Variants in FAM168A observed in about 807,000 individuals in gnomAD.
FAM168A encodes protein FAM168A.
Under a neutral mutation model 28.5 loss-of-function variants are expected in FAM168A, and 3 were observed. The observed-to-expected ratio is 0.11, with a 90% CI of 0.05 to 0.27. The LOEUF (loss-of-function observed/expected upper bound fraction) is 0.27. FAM168A is among the 10% of genes least tolerant of loss of function. The pLI is 1.00. For missense variants in FAM168A, 222 were observed against 311.5 expected (o/e 0.71, Z 2.16); for synonymous variants, 122 against 124.2 (o/e 0.98, Z 0.12).
At chr11:73,465,268 G>A (rs906901550) in intron 2 of FAM168A, among the ~76,000 whole-genome samples, 1 of 149,238 alleles carries the variant, frequency 6.7e-6, no homozygotes, top group Non-Finnish European at 1.5e-5. Context: ...CCTGGGTGAT[G>A]CTTGGACACT....
At chr11:73,431,672 G>C (rs1381908221) in intron 2 of FAM168A, among the ~76,000 whole-genome samples, 1 of 152,154 alleles carries the variant, frequency 6.6e-6, no homozygotes, top group Admixed American at 6.5e-5. Context: ...CGGAAGAAGT[G>C]CCCACAATCA....
intron 1 of FAM168A, among the ~76,000 whole-genome samples, chr11:73,534,259 T>A (rs1227229347): frequency 6.6e-5 from 10 of 152,172 alleles, no homozygotes; most frequent in African/African-American, 2.4e-4. Flanking sequence ...GAGCAGAAAC[T>A]GACTTATTAG....
In FAM168A at chr11:73,508,213, A is replaced by T. The variant is rs138241966; in HGVS notation, c.-18-39721T>A. On this transcript the variant is annotated intron_variant, in intron 1 of 7. Transcript: ENST00000356467. ...AGCATCACCTCTAGATTGTTTATTA[A>T]AATATTTTAAATAAGTGGGGGAAAG... 5.9e-3 allele frequency among the ~76,000 whole-genome samples: 891 copies of T among 152,286 alleles called. 8 individuals are homozygous for T. Among genetic ancestry groups the T allele is most frequent in the Middle Eastern group, 0.027 (8 of 294 alleles).
rs182580274 is a variant in FAM168A at position 73,486,145 on chromosome 11, G to A, written c.-18-17653C>T. On this transcript the variant is annotated intron_variant, in intron 1 of 7. Coordinates refer to ENST00000356467, the MANE Select transcript of FAM168A (RefSeq NM_015159.3). ...TGACTTAGTTTAGACAAGCAGTCCT[G>A]TAAGCACTGAATACTCACAACACTG... Among the ~76,000 whole-genome samples the A allele has an allele frequency of 9.2e-4, 140 of 152,288 alleles. 1 individual carries two copies. The highest frequency in any genetic ancestry group is 3.3e-3 in the African/African-American group (136 of 41,558).
chr11:73,430,434 G>A, intron 3 of FAM168A: 1 of 419,106 alleles, frequency 2.4e-6, no homozygotes, highest in Non-Finnish European at 4.4e-6. Context: ...TGAGGAGGAT[G>A]CAGGTCTCAG....
intron 3 of FAM168A, among the ~76,000 whole-genome samples, chr11:73,423,985 T>C (rs542639838): frequency 6.2e-4 from 94 of 152,344 alleles, no homozygotes; most frequent in African/African-American, 2.2e-3. Flanking sequence ...TCCAGGTTCA[T>C]ATATCCTGAG....
intron 1 of FAM168A, among the ~76,000 whole-genome samples, chr11:73,496,336 A>G (rs1854871582): frequency 6.6e-6 from 1 of 152,230 alleles, no homozygotes; most frequent in Admixed American, 6.5e-5. Context: ...GTTGTTGTTC[A>G]ACGGATATAT....
intron 2 of FAM168A, 36 bp downstream of exon 2, chr11:73,468,369 A>G (rs765474392): frequency 3.8e-6 from 6 of 1,597,990 alleles, no homozygotes; most frequent in Non-Finnish European, 5.1e-6. Context: ...CTTAACCACC[A>G]TTTCTCAAAA....
chr11:73,473,187 T>G (rs564980478), intron 1 of FAM168A, among the ~76,000 whole-genome samples: 4 of 152,236 alleles, frequency 2.6e-5, no homozygotes, highest in Admixed American at 2.6e-4. Context: ...ATAAGTAAAC[T>G]TAAGTCCAAA....
intron 2 of FAM168A, among the ~76,000 whole-genome samples, chr11:73,447,792 T>C (rs540269438): frequency 5.3e-5 from 8 of 151,974 alleles, no homozygotes; most frequent in South Asian, 4.1e-4. Context: ...CTATCCAAGA[T>C]AGACCCATCA....
At chr11:73,415,368 G>A (rs913957754) in intron 4 of FAM168A, among the ~76,000 whole-genome samples, 1 of 152,240 alleles carries the variant, frequency 6.6e-6, no homozygotes. Context: ...GGGGATCTAA[G>A]ACTCAGTGCT....
intron 1 of FAM168A, among the ~76,000 whole-genome samples, chr11:73,498,686 C>T (rs1473643558): frequency 6.6e-6 from 1 of 152,158 alleles, no homozygotes; most frequent in Non-Finnish European, 1.5e-5. Context: ...TGCTGGAGCC[C>T]GGGAGGCTGA....
At chr11:73,557,309 T>C (rs766133372) in intron 1 of FAM168A, among the ~76,000 whole-genome samples, 6 of 152,012 alleles carry the variant, frequency 3.9e-5, no homozygotes, top group Non-Finnish European at 8.8e-5. Context: ...GAGACAAAGT[T>C]GAATGGTGGT....
At chr11:73,548,649 T>G (rs77619313) in intron 1 of FAM168A, among the ~76,000 whole-genome samples, 12,479 of 152,194 alleles carry the variant, frequency 0.082, 1,552 homozygotes, top group African/African-American at 0.27. Flanking sequence ...TTTGATTTTT[T>G]TGTGTGTGTG....
Position 73,515,760 on chromosome 11 carries a change from C to T in FAM168A, c.-18-47268G>A, listed in dbSNP as rs571437243. 5.9e-5 allele frequency among the ~76,000 whole-genome samples: 9 copies of T among 152,172 alleles called. No homozygotes were observed. The East Asian group carries it at 1.7e-3, about 29-fold the overall frequency. On this transcript the variant is annotated intron_variant, in intron 1 of 7. Coordinates refer to ENST00000356467, the MANE Select transcript of FAM168A (RefSeq NM_015159.3). ...AATGAGGTTGAGGAAACACTTCTCA[C>T]AGGACAAGTATCATGAAAGAGGTAA...
intron 1 of FAM168A, among the ~76,000 whole-genome samples, chr11:73,572,056 C>T (rs1944098534): frequency 6.6e-6 from 1 of 151,750 alleles, no homozygotes; most frequent in Non-Finnish European, 1.5e-5. Flanking sequence ...CTCCGCCCGG[C>T]AGCCACCCCG....
intron 1 of FAM168A, among the ~76,000 whole-genome samples, chr11:73,513,214 T>G (rs1240723198): frequency 7.0e-6 from 1 of 143,324 alleles, no homozygotes; most frequent in Admixed American, 6.9e-5. Context: ...AATTTTTTTT[T>G]TTTTTTTTTT....
chr11:73,431,363 C>G (rs1866990605), intron 2 of FAM168A, among the ~76,000 whole-genome samples: 2 of 150,202 alleles, frequency 1.3e-5, no homozygotes, highest in Non-Finnish European at 3.0e-5. Flanking sequence ...ACCCCCCCGC[C>G]AAAAAAAATG....
chr11:73,535,418 C>CTT (rs557433454), intron 1 of FAM168A, among the ~76,000 whole-genome samples: 11 of 132,274 alleles, frequency 8.3e-5, no homozygotes, highest in Non-Finnish European at 1.5e-4. Context: ...TTCTTTCTTT[C>CTT]TTTTTTTTTT....
Sources: gnomAD v4.1 joint callset for allele counts (sites outside exome capture counted in the v4.1 genomes callset) on GRCh38, gnomAD v4.1.1 for gene constraint, MANE v1.5 for transcripts, NCBI Gene and HGNC (gene_info 2026-07-23, HGNC 2026-07-21) for gene names.